B3GALNT2: variants seen among roughly 807,000 people sequenced by gnomAD.
B3GALNT2 encodes beta-1,3-N-acetylgalactosaminyltransferase 2.
A neutral mutation model predicts 61.1 loss-of-function variants in B3GALNT2; 53 were observed. The ratio of observed to expected loss-of-function variants is 0.87; its 90% CI spans 0.70 to 1.09. The LOEUF is 1.09. B3GALNT2 is among the 50% of genes least tolerant of loss of function. B3GALNT2 has a pLI of 0.00. For synonymous variants in B3GALNT2, 223 were observed against 237.4 expected, an observed-to-expected ratio of 0.94 and a Z score of 0.56; for missense variants, 544 against 623.0, an observed-to-expected ratio of 0.87 and a Z score of 1.35.
In B3GALNT2 at chr1:235,480,055, T is replaced by C; in HGVS notation, c.650A>G (p.Glu217Gly). ...CAGTCTTTTCCTGCCATCCTGTACC[T>C]CTGGTAAGATGAATTGTTCCACGGG... ...YKPVEQFILP[E>G]SFEGTIVWES... The change falls in exon 5 of 12, where the codon GAG (glutamate) becomes GGG (glycine). Residue 217 changes from glutamate to glycine, a missense_variant and splice_region_variant. Transcript: ENST00000366600. 1.2e-6 allele frequency: 2 copies of C among 1,613,846 alleles called. No individual in the cohort carries two copies. Among genetic ancestry groups the C allele is most frequent in the Non-Finnish European group, 1.7e-6 (2 of 1,179,790 alleles).
chr1:235,490,337 T>C (rs1004863664), intron 2 of B3GALNT2, among the ~76,000 whole-genome samples: 1 of 152,174 alleles, frequency 6.6e-6, no homozygotes, highest in African/African-American at 2.4e-5. Flanking sequence ...TTCAAGTGAT[T>C]CTCCTGCCTC....
At chr1:235,440,080 C>T in the B3GALNT2 span, among the ~76,000 whole-genome samples, 36 of 152,328 alleles carry the variant, frequency 2.4e-4, no homozygotes, top group East Asian at 6.4e-3. Context: ...ACGCCATTCT[C>T]CTGCCTCAGC....
chr1:235,470,552 T>C (rs1683941559), intron 6 of B3GALNT2, among the ~76,000 whole-genome samples: 1 of 138,868 alleles, frequency 7.2e-6, no homozygotes, highest in South Asian at 2.2e-4. Flanking sequence ...CACCCCAGCC[T>C]GTGCAACAAA....
chr1:235,451,672 T>C (rs1215127791), intron 11 of B3GALNT2: 1 of 152,214 alleles, frequency 6.6e-6, no homozygotes, highest in Non-Finnish European at 1.5e-5. Flanking sequence ...AGATGTGGGT[T>C]GATTTCTTGT....
At chr1:235,455,109 G>A (rs1043043852) in intron 9 of B3GALNT2, among the ~76,000 whole-genome samples, 1 of 151,310 alleles carries the variant, frequency 6.6e-6, no homozygotes, top group South Asian at 2.1e-4. Context: ...TCCTCCAATT[G>A]TACAGTAATA....
intron 7 of B3GALNT2, among the ~76,000 whole-genome samples, chr1:235,459,589 CTCCA>C (rs1683321828): frequency 6.6e-6 from 1 of 152,116 alleles, no homozygotes; most frequent in South Asian, 2.1e-4. Context: ...CACCACTGAA[CTCCA>C]TCCAGCCTAG....
chr1:235,466,152 A>T (rs1177735546), intron 6 of B3GALNT2, among the ~76,000 whole-genome samples: 4 of 152,070 alleles, frequency 2.6e-5, no homozygotes, highest in Non-Finnish European at 5.9e-5. Context: ...CTCAAAATTA[A>T]CAGTCTGTTC....
chr1:235,492,585 C>A (rs954252186), intron 2 of B3GALNT2, among the ~76,000 whole-genome samples: 1 of 152,104 alleles, frequency 6.6e-6, no homozygotes, highest in African/African-American at 2.4e-5. Context: ...GGGAATACAC[C>A]AGTGAAAAAA....
At position 235,455,561 on chromosome 1, in the gene B3GALNT2, T is replaced by G. The variant is rs1683124685; in HGVS notation, c.1149A>C (p.Gly383=). ...KNLDGPNFWW[G]NFRLNWAVDR... is the part of the protein sequence containing the mutation. Reference sequence around the variant, plus strand: ...TGGGCTAAGAATGGTTAACTTACTTTCCCCACCAAAAATTAGGCCCATCCA... The same window carrying G: ...TGGGCTAAGAATGGTTAACTTACTTGCCCCACCAAAAATTAGGCCCATCCA... Residue 383 remains glycine (G), a splice_region_variant and synonymous_variant, in exon 9 of 12, where the codon GGA becomes GGC. Coordinates refer to ENST00000366600, the MANE Select transcript of B3GALNT2 (RefSeq NM_152490.5). 6.2e-7 allele frequency: 1 copy of G among 1,612,574 alleles called. No individual in the cohort carries two copies. The highest frequency in any genetic ancestry group is 1.3e-5 in the African/African-American group (1 of 74,868).
downstream of B3GALNT2, among the ~76,000 whole-genome samples, chr1:235,443,295 G>C: frequency 6.6e-6 from 1 of 152,048 alleles, no homozygotes; most frequent in Non-Finnish European, 1.5e-5. Flanking sequence ...TCTGCTTCCT[G>C]GGCCCAAGCA....
rs747389723 is a variant in B3GALNT2 at position 235,450,303 on chromosome 1, C to G, written c.1406G>C (p.Gly469Ala). ...AGAATACTGAGGAGAAGACAGCATT[C>G]CTGTCTCACAGGTCTTCTCACACAG... ...LWLCEKTCET[G>A]MLSSPQYSPW... Residue 469 changes from glycine (G) to alanine (A), a missense_variant, in exon 12 of 12, where the codon GGA (glycine) becomes GCA (alanine). Physicochemically the swap from Gly to Ala is moderately conservative, Grantham distance 60. Coordinates refer to ENST00000366600, the MANE Select transcript of B3GALNT2 (RefSeq NM_152490.5). 2 of 1,613,574 alleles carry G rather than the reference C, an allele frequency of 1.2e-6. No homozygotes were observed. The highest frequency in any genetic ancestry group is 1.7e-5 in the Admixed American group (1 of 60,024).
chr1:235,494,841 A>C lies in B3GALNT2; in HGVS notation c.113-13T>G. ...AAGGCCAACTGATCTAGAAATAAGA[A>C]CAATACATGAGAAATAAGTCATGTA... On this transcript the variant is annotated splice_polypyrimidine_tract_variant and intron_variant, in intron 1 of 11. Transcript: ENST00000366600. 6.3e-7 allele frequency: 1 copy of C among 1,587,104 alleles called. No individual in the cohort carries two copies. Among genetic ancestry groups the C allele is most frequent in the Non-Finnish European group, 8.6e-7 (1 of 1,157,592 alleles).
rs192678540 is a variant in B3GALNT2 at position 235,447,985 on chromosome 1, C to T, written c.*2221G>A. ...CAGCACTTTGGGGGGCCAGGGCGGG[C>T]GGATCACGAGGTCAGGAGTTCAAGA... On this transcript the variant is annotated 3_prime_UTR_variant, in exon 12 of 12. Coordinates refer to ENST00000366600, the MANE Select transcript of B3GALNT2 (RefSeq NM_152490.5). Among the ~76,000 whole-genome samples the T allele has an allele frequency of 1.8e-4, 28 of 151,970 alleles. No individual in the cohort carries two copies. In the East Asian group the frequency reaches 2.1e-3, roughly 12 times the overall value.
chr1:235,487,162 C>CA (rs79026091), intron 3 of B3GALNT2, among the ~76,000 whole-genome samples: 26,027 of 127,008 alleles, frequency 0.2, 3,073 homozygotes, highest in East Asian at 0.55. Flanking sequence ...ACTCTGTCTC[C>CA]AAAAAAAAAA....
intron 6 of B3GALNT2, among the ~76,000 whole-genome samples, 180 bp downstream of exon 6, chr1:235,470,670 G>T (rs1289710477): frequency 2.6e-5 from 4 of 151,922 alleles, no homozygotes; most frequent in African/African-American, 9.7e-5. Flanking sequence ...GGAGTTACAG[G>T]ATCATATTTG....
chr1:235,454,674 G>A (rs1683083719), intron 9 of B3GALNT2, among the ~76,000 whole-genome samples: 1 of 151,730 alleles, frequency 6.6e-6, no homozygotes, highest in Non-Finnish European at 1.5e-5. Context: ...TCCTGACTTT[G>A]GGTGATCCAC....
rs1338295798 is a variant in B3GALNT2, at chr1:235,480,065, T to C, written c.640A>G (p.Ile214Val). The change falls in exon 5 of 12, where the codon ATC becomes GTC. Residue 214 changes from isoleucine (I) to valine (V), a missense_variant. Ile to Val is a conservative substitution (Grantham distance 29, BLOSUM62 3). Coordinates refer to ENST00000366600, the MANE Select transcript of B3GALNT2 (RefSeq NM_152490.5). ...KLWYKPVEQF[I>V]LPESFEGTIV... ...CTGCCATCCTGTACCTCTGGTAAGATGAATTGTTCCACGGGCTTGTACCAC... is the reference window on the plus strand; with the variant it reads ...CTGCCATCCTGTACCTCTGGTAAGACGAATTGTTCCACGGGCTTGTACCAC... The C allele has an allele frequency of 2.5e-6, 4 of 1,613,878 alleles. No homozygotes were observed. Among genetic ancestry groups the C allele is most frequent in the South Asian group, 1.1e-5 (1 of 91,064 alleles).
chr1:235,450,534 C>G (rs1682836059), intron 11 of B3GALNT2, 194 bp from the exon 12 acceptor site: 1 of 574,556 alleles, frequency 1.7e-6, no homozygotes, highest in African/African-American at 1.9e-5. Flanking sequence ...TCCCACAGTC[C>G]TGTGGCTGTG....
At position 235,470,979 on chromosome 1, in the gene B3GALNT2, T is replaced by C; in HGVS notation, c.652-19A>G. 1 of 1,612,102 alleles carries C rather than the reference T, an allele frequency of 6.2e-7. No individual in the cohort carries two copies. Among genetic ancestry groups the C allele is most frequent in the South Asian group, 1.1e-5 (1 of 90,630 alleles). Reference sequence around the variant, plus strand: ...CAAAGCTCTTTTGTAGAAAGATGAATAGTGAGTCAATTTCCTTATTGCTGT... The same window carrying C: ...CAAAGCTCTTTTGTAGAAAGATGAACAGTGAGTCAATTTCCTTATTGCTGT... On this transcript the variant is annotated intron_variant, in intron 5 of 11. Transcript: ENST00000366600.
Sources: gnomAD v4.1 joint callset for allele counts (sites outside exome capture counted in the v4.1 genomes callset) on GRCh38, gnomAD v4.1.1 for gene constraint, MANE v1.5 for transcripts, NCBI Gene and HGNC (gene_info 2026-07-23, HGNC 2026-07-21) for gene names.